LMBRD2: variants seen among roughly 807,000 people sequenced by gnomAD.
The protein encoded by LMBRD2 is LMBR1 domain containing 2.
A neutral mutation model predicts 94.4 loss-of-function variants in LMBRD2; 55 were observed. That is an observed-to-expected ratio of 0.58 (90% CI 0.47 to 0.73). The LOEUF is 0.73. Ranked by LOEUF, LMBRD2 falls within the 30% of genes least tolerant of loss-of-function variation. The probability of loss-of-function intolerance (pLI) is 0.00; values close to 1 mark genes in which losing one functional copy is unlikely to be tolerated. For missense variants in LMBRD2, 640 were observed against 831.9 expected (o/e 0.77, Z 2.84); for synonymous variants, 246 against 272.4 (o/e 0.90, Z 0.95).
At chr5:36,116,965 C>T (rs952125433) in intron 10 of LMBRD2, among the ~76,000 whole-genome samples, 8 of 152,280 alleles carry the variant, frequency 5.3e-5, no homozygotes, top group East Asian at 3.9e-4. Context: ...TGAGCCACCA[C>T]GCCCAGCCTG....
At chr5:36,147,905 A>G in intron 1 of LMBRD2, 1 of 430,120 alleles carries the variant, frequency 2.3e-6, no homozygotes, top group Admixed American at 2.9e-5. Flanking sequence ...TTCTGACCGG[A>G]ACCTAATGAT....
intron 6 of LMBRD2, among the ~76,000 whole-genome samples, chr5:36,132,623 TTAA>T (rs1303687019): frequency 7.1e-6 from 1 of 141,772 alleles, no homozygotes; most frequent in African/African-American, 2.6e-5. Flanking sequence ...GAAAAAAAAT[TTAA>T]TAATAAGATT....
intron 10 of LMBRD2, among the ~76,000 whole-genome samples, chr5:36,117,299 A>G (rs187156881): frequency 1.3e-5 from 2 of 152,204 alleles, no homozygotes; most frequent in South Asian, 2.1e-4. Flanking sequence ...GCAACATGGC[A>G]AAATCCTGAC....
intron 9 of LMBRD2, 51 bp from the exon 10 acceptor site, chr5:36,117,967 G>T (rs768208921): frequency 6.7e-6 from 9 of 1,340,494 alleles, no homozygotes; most frequent in Non-Finnish European, 9.2e-6. Flanking sequence ...AGAGTAATGG[G>T]ATATTTACAT....
chr5:36,136,191 C>A, intron 6 of LMBRD2, 118 bp downstream of exon 6: 1 of 890,480 alleles, frequency 1.1e-6, no homozygotes, highest in South Asian at 1.5e-5. Context: ...GATTGCACAA[C>A]ACCAGTTTTG....
At chr5:36,110,015 A>G (rs755955750) in intron 14 of LMBRD2, 24 bp from the exon 15 acceptor site, 1 of 1,580,146 alleles carries the variant, frequency 6.3e-7, no homozygotes, top group Non-Finnish European at 8.7e-7. Context: ...AATGATCTCA[A>G]ATATGGCATA....
intron 1 of LMBRD2, among the ~76,000 whole-genome samples, chr5:36,146,166 G>C (rs1186725458): frequency 6.6e-6 from 1 of 152,192 alleles, no homozygotes; most frequent in Non-Finnish European, 1.5e-5. Flanking sequence ...CACACTTCAT[G>C]TGTTAGTATC....
chr5:36,141,277 G>T, intron 3 of LMBRD2, 75 bp from the exon 4 acceptor site: 1 of 812,964 alleles, frequency 1.2e-6, no homozygotes, highest in Non-Finnish European at 2.0e-6. Context: ...TTTGCATGTG[G>T]CCAAGTTAAT....
chr5:36,143,597 G>A (rs1043219889), intron 1 of LMBRD2, among the ~76,000 whole-genome samples, 191 bp from the exon 2 acceptor site: 4 of 152,052 alleles, frequency 2.6e-5, no homozygotes. Flanking sequence ...TATTTTTAAA[G>A]CACACTTAAA....
rs997716978 is a variant in LMBRD2, at chr5:36,098,467, T to C, written c.*5579A>G. On this transcript the variant is annotated 3_prime_UTR_variant, in exon 18 of 18. Coordinates refer to ENST00000296603, the MANE Select transcript of LMBRD2 (RefSeq NM_001007527.2). ...AACATTTGTCATATTTGCTAATAAA[T>C]TGATAAGGAACAAAGAACGCCTGAA... 2 of 152,010 alleles carry C rather than the reference T, an allele frequency of 1.3e-5. No individual in the cohort carries two copies. The highest frequency in any genetic ancestry group is 6.6e-5 in the Admixed American group (1 of 15,244). 9.4% of individuals were successfully genotyped at this position (152,010 alleles called of 1,614,324 possible).
At chr5:36,132,502 T>C (rs1156771058) in intron 6 of LMBRD2, among the ~76,000 whole-genome samples, 2 of 151,808 alleles carry the variant, frequency 1.3e-5, no homozygotes, top group African/African-American at 4.8e-5. Flanking sequence ...CAAAGGAAAC[T>C]ATCAACAAAA....
chr5:36,129,068 C>CA (rs1484264631), intron 6 of LMBRD2, among the ~76,000 whole-genome samples: 1 of 151,360 alleles, frequency 6.6e-6, no homozygotes, highest in South Asian at 2.1e-4. Flanking sequence ...TTAGAGGAGA[C>CA]AAAAAATAAT....
intron 5 of LMBRD2, 127 bp from the exon 6 acceptor site, chr5:36,136,646 A>C (rs1427893213): frequency 7.0e-6 from 5 of 718,874 alleles, no homozygotes; most frequent in Non-Finnish European, 9.3e-6. Context: ...AGAATAATTC[A>C]TGGCAATAAT....
chr5:36,106,339 T>G (rs148092700), intron 16 of LMBRD2, among the ~76,000 whole-genome samples: 1 of 152,216 alleles, frequency 6.6e-6, no homozygotes, highest in East Asian at 1.9e-4. Flanking sequence ...CCATAATCAT[T>G]TCTTGACTGT....
intron 6 of LMBRD2, 62 bp downstream of exon 6, chr5:36,136,247 A>G (rs267757): frequency 0.84 from 1,260,117 of 1,508,194 alleles, 533,758 homozygotes; most frequent in Non-Finnish European, 0.87. Flanking sequence ...CAAACCAAAA[A>G]TGACTAAAAG....
intron 1 of LMBRD2, among the ~76,000 whole-genome samples, chr5:36,146,030 A>AT (rs1479437529): frequency 5.3e-5 from 8 of 152,178 alleles, no homozygotes; most frequent in Admixed American, 2.0e-4. Context: ...CTAGCTATTA[A>AT]TTTTTTTACT....
chr5:36,142,430 G>A, intron 3 of LMBRD2, 72 bp downstream of exon 3: 1 of 796,706 alleles, frequency 1.3e-6, no homozygotes, highest in Admixed American at 2.1e-5. Context: ...AAGTCTGGAT[G>A]GTAAAAACTT....
intron 13 of LMBRD2, among the ~76,000 whole-genome samples, chr5:36,111,738 CAAGG>C (rs1229723386): frequency 6.6e-6 from 1 of 151,862 alleles, no homozygotes; most frequent in Non-Finnish European, 1.5e-5. Flanking sequence ...ATATGGAACA[CAAGG>C]AAGGAAATGA....
intron 1 of LMBRD2, among the ~76,000 whole-genome samples, chr5:36,144,543 G>A (rs1020569754): frequency 1.3e-5 from 2 of 152,112 alleles, no homozygotes; most frequent in Non-Finnish European, 2.9e-5. Flanking sequence ...AATTAGCCAG[G>A]TGTGGTAGCG....
Sources: allele counts gnomAD v4.1 joint callset (sites outside exome capture counted in the v4.1 genomes callset), GRCh38; gene constraint gnomAD v4.1.1; transcripts MANE v1.5; gene names NCBI Gene and HGNC (gene_info 2026-07-23, HGNC 2026-07-21).